The following ATAD1 variants were observed in gnomAD, a reference collection of about 807,000 sequenced individuals.
The protein encoded by ATAD1 is outer mitochondrial transmembrane helix translocase.
ATAD1 carries 18 observed loss-of-function variants against 42.7 expected under a neutral mutation model. The observed-to-expected ratio is 0.42, with a 90% CI of 0.29 to 0.63. The LOEUF (loss-of-function observed/expected upper bound fraction) is 0.63. ATAD1 is among the 20% of genes least tolerant of loss of function. The probability of loss-of-function intolerance (pLI) is 0.19; values close to 1 mark genes in which losing one functional copy is unlikely to be tolerated. For missense variants in ATAD1, 294 were observed against 440.4 expected (o/e 0.67, Z 2.98); for synonymous variants, 132 against 143.1 (o/e 0.92, Z 0.55).
intron 6 of ATAD1, among the ~76,000 whole-genome samples, chr10:87,771,347 C>G (rs1855020287): frequency 6.6e-6 from 1 of 152,060 alleles, no homozygotes; most frequent in Non-Finnish European, 1.5e-5. Flanking sequence ...TTTTAAAAAA[C>G]TATTGTATTT....
intron 1 of ATAD1, among the ~76,000 whole-genome samples, chr10:87,840,071 A>G (rs1044220834): frequency 1.3e-5 from 2 of 152,226 alleles, no homozygotes; most frequent in Non-Finnish European, 2.9e-5. Context: ...CTCCCACACT[A>G]TAATTTTACT....
rs537153431 is a variant in ATAD1, at chr10:87,793,303, A to C, written c.163-548T>G. 2.0e-5 allele frequency among the ~76,000 whole-genome samples: 3 copies of C among 152,294 alleles called. No homozygotes were observed. In the South Asian group the frequency reaches 6.2e-4, roughly 32 times the overall value. Reference sequence around the variant, plus strand: ...TTTTAGGTAGAAGACAATTCTTGGGACTAGGCAACCAGAGTTATAATAAAA... The same window carrying C: ...TTTTAGGTAGAAGACAATTCTTGGGCCTAGGCAACCAGAGTTATAATAAAA... On this transcript the variant is annotated intron_variant, in intron 2 of 9. Transcript: ENST00000680024.
intron 8 of ATAD1, among the ~76,000 whole-genome samples, chr10:87,758,795 T>C (rs1854346616): frequency 6.6e-6 from 1 of 152,154 alleles, no homozygotes. Flanking sequence ...CCTGTAGACA[T>C]ACATGTAACA....
chr10:87,808,198 C>T (rs990830596), intron 2 of ATAD1, among the ~76,000 whole-genome samples: 1 of 152,048 alleles, frequency 6.6e-6, no homozygotes, highest in Admixed American at 6.6e-5. Flanking sequence ...ATCATATTAT[C>T]CATTAATAAT....
At chr10:87,762,334 C>A (rs1854517908) in intron 8 of ATAD1, among the ~76,000 whole-genome samples, 1 of 152,206 alleles carries the variant, frequency 6.6e-6, no homozygotes, top group African/African-American at 2.4e-5. Flanking sequence ...AAATTTCTAG[C>A]CACACCATGG....
chr10:87,821,701 G>A (rs1342256537), upstream of ATAD1, among the ~76,000 whole-genome samples: 1 of 152,222 alleles, frequency 6.6e-6, no homozygotes, highest in Non-Finnish European at 1.5e-5. Flanking sequence ...TCCGCCATGT[G>A]AGGATGCAGG....
At chr10:87,800,050 T>C (rs1028172520) in intron 2 of ATAD1, among the ~76,000 whole-genome samples, 1 of 151,120 alleles carries the variant, frequency 6.6e-6, no homozygotes, top group East Asian at 1.9e-4. Flanking sequence ...AGTCCAAGCA[T>C]GTCATGAATG....
At chr10:87,818,298 C>A (rs1034405862), upstream of ATAD1, 1 of 981,302 alleles carries the variant, frequency 1.0e-6, no homozygotes, top group African/African-American at 1.7e-5. Flanking sequence ...GACCCGCGGT[C>A]GCCGGCGCGG....
At chr10:87,758,094 G>A (rs1470955328) in intron 8 of ATAD1, among the ~76,000 whole-genome samples, 1 of 152,150 alleles carries the variant, frequency 6.6e-6, no homozygotes, top group Non-Finnish European at 1.5e-5. Flanking sequence ...TATTATAGTA[G>A]TCATAATCAT....
chr10:87,800,348 G>C (rs1023455556), intron 2 of ATAD1, among the ~76,000 whole-genome samples: 1 of 151,594 alleles, frequency 6.6e-6, no homozygotes, highest in African/African-American at 2.4e-5. Flanking sequence ...CCTTTTAAAG[G>C]GTGTGAAATT....
At chr10:87,838,490 A>T (rs904020303) in intron 1 of ATAD1, among the ~76,000 whole-genome samples, 1 of 141,370 alleles carries the variant, frequency 7.1e-6, no homozygotes, top group Admixed American at 7.1e-5. Context: ...AAAAAAAAAG[A>T]CAAGGTGGAG....
In ATAD1 at chr10:87,784,703, G is replaced by A. The variant is rs187437941; in HGVS notation, c.383-33C>T. The A allele has an allele frequency of 4.3e-4, 677 of 1,576,642 alleles. 1 individual carries two copies. In the African/African-American group the frequency reaches 8.4e-3, roughly 19 times the overall value. On this transcript the variant is annotated intron_variant, in intron 4 of 9. Transcript: ENST00000680024. ...TGAATATGTTATTTATTACCTTTAA[G>A]GGGATATTTGCTTCAATTTATATGA...
At chr10:87,763,209 C>G (rs902133992) in intron 8 of ATAD1, among the ~76,000 whole-genome samples, 1 of 150,542 alleles carries the variant, frequency 6.6e-6, no homozygotes, top group African/African-American at 2.4e-5. Flanking sequence ...ATTTCATGTA[C>G]ATACGTAGCT....
chr10:87,782,365 T>G (rs765459586), intron 5 of ATAD1, among the ~76,000 whole-genome samples: 50 of 152,074 alleles, frequency 3.3e-4, no homozygotes, highest in Admixed American at 5.9e-4. Context: ...AAAAACAAAG[T>G]TAAATCCAGA....
In ATAD1 at chr10:87,830,845, CT is replaced by C. The variant is rs1857815547; in HGVS notation, c.-14+10341del. Among the ~76,000 whole-genome samples, 6 of 152,212 alleles carry C rather than the reference CT, an allele frequency of 3.9e-5. 1 individual carries two copies. Among genetic ancestry groups the C allele is most frequent in the African/African-American group, 1.4e-4 (6 of 41,524 alleles). On this transcript the variant is annotated intron_variant, in intron 1 of 4. Transcript: ENST00000495903. The stretch of plus-strand genomic sequence containing the variant: ...GCCTCTTTTTTCTTGAGAAAGACAC[CT>C]GTTCCAGTGCATAGAAATGGCTAGG...
chr10:87,754,648 C>A lies in ATAD1; in HGVS notation c.*39G>T, dbSNP rs772005345. Reference sequence around the variant, plus strand: ...TTCCACTAACTGATAAGAGGACACACCAAACTAGATCACTGAACTGTACAA... The same window carrying A: ...TTCCACTAACTGATAAGAGGACACAACAAACTAGATCACTGAACTGTACAA... On this transcript the variant is annotated 3_prime_UTR_variant, in exon 10 of 10. Coordinates refer to ENST00000680024, the MANE Select transcript of ATAD1 (RefSeq NM_001321967.2). 3.8e-6 allele frequency: 6 copies of A among 1,592,536 alleles called. No homozygotes were observed. In the East Asian group the frequency reaches 1.3e-4, roughly 36 times the overall value.
At chr10:87,794,373 C>T (rs1489006154) in intron 2 of ATAD1, among the ~76,000 whole-genome samples, 2 of 152,112 alleles carry the variant, frequency 1.3e-5, no homozygotes, top group Admixed American at 6.6e-5. Context: ...TGCCATAAGT[C>T]GTTTACATGT....
Position 87,825,885 on chromosome 10 carries a change from TG to T in ATAD1, c.-13-11274del, listed in dbSNP as rs1371880876. Among the ~76,000 whole-genome samples, 228 of 152,208 alleles carry T rather than the reference TG, an allele frequency of 1.5e-3. 1 individual carries two copies. Among genetic ancestry groups the T allele is most frequent in the African/African-American group, 4.5e-3 (186 of 41,540 alleles). On this transcript the variant is annotated intron_variant, in intron 1 of 4. Transcript: ENST00000495903. ...CCCAGCCAAGTACAACACATTTTTT[TG>T]TTTAATTTACTATGGGTAATTAATA... is the stretch of plus-strand genomic sequence containing the variant.
chr10:87,819,077 C>T (rs1459712626), upstream of ATAD1: 1 of 151,978 alleles, frequency 6.6e-6, no homozygotes, highest in African/African-American at 2.4e-5. Flanking sequence ...TCCCTGTGTT[C>T]CTCAGGAAGG....
Sources: allele counts gnomAD v4.1 joint callset (sites outside exome capture counted in the v4.1 genomes callset), GRCh38; gene constraint gnomAD v4.1.1; transcripts MANE v1.5; gene names NCBI Gene and HGNC (gene_info 2026-07-23, HGNC 2026-07-21).